Variants in MPP3 observed in about 807,000 individuals in gnomAD.
The protein encoded by MPP3 is MAGUK p55 subfamily member 3.
A neutral mutation model predicts 80.7 loss-of-function variants in MPP3; 48 were observed. The observed-to-expected ratio is 0.59, with a 90% CI of 0.47 to 0.76. The LOEUF is 0.76. Among genes scored for constraint, MPP3 ranks in the 30% least tolerant of loss-of-function variants. The pLI is 0.00. For missense variants in MPP3, 620 were observed against 763.0 expected (o/e 0.81, Z 2.21); for synonymous variants, 311 against 297.6 (o/e 1.04, Z -0.46).
intron 11 of MPP3, chr17:43,819,080 G>T (rs73320324): frequency 6.6e-6 from 1 of 152,116 alleles, no homozygotes; most frequent in Non-Finnish European, 1.5e-5. Flanking sequence ...TCTCAGAATC[G>T]CCTGGAACAT....
chr17:43,821,154 C>T, intron 10 of MPP3, 96 bp from the exon 11 acceptor site: 1 of 1,167,314 alleles, frequency 8.6e-7, no homozygotes, highest in East Asian at 2.5e-5. Flanking sequence ...ACCATCCACA[C>T]TTAGGAGGAC....
rs186135839 is a variant in MPP3, at chr17:43,818,743, G to A, written c.882-633C>T. 3.4e-4 allele frequency among the ~76,000 whole-genome samples: 52 copies of A among 152,186 alleles called. 1 individual carries two copies. In the Middle Eastern group the frequency reaches 0.01, roughly 30 times the overall value. On this transcript the variant is annotated intron_variant, in intron 11 of 19. Transcript: ENST00000398389. ...AGTTCGAGACCAGCCTGGCCAACAC[G>A]GTGAAACCCCGTCTCTACTAAAAAA...
chr17:43,813,892 C>A, intron 16 of MPP3, 119 bp downstream of exon 16: 1 of 838,478 alleles, frequency 1.2e-6, no homozygotes, highest in Non-Finnish European at 1.9e-6. Context: ...CAATAGCAGG[C>A]AGTGCCTGGT....
rs567237474 is a variant in MPP3 at position 43,814,565 on chromosome 17, G to A, written c.1010-204C>T. The stretch of plus-strand genomic sequence containing the variant: ...GTGACCCCTGCATTCACAAACTAGG[G>A]CTTAAGGTCACTGTTTTACTTGGCA... On this transcript the variant is annotated intron_variant, in intron 14 of 19. Coordinates refer to ENST00000398389, the MANE Select transcript of MPP3 (RefSeq NM_001932.6). The A allele has an allele frequency of 6.4e-5, 31 of 485,224 alleles. 1 individual carries two copies. In the South Asian group the frequency reaches 1.1e-3, roughly 18 times the overall value. The allele number at this position is 485,224 out of a possible 1,614,324, so 30.1% of individuals were successfully genotyped here.
At chr17:43,827,069 G>A (rs138495134) in intron 8 of MPP3, among the ~76,000 whole-genome samples, 3,272 of 151,922 alleles carry the variant, frequency 0.022, 106 homozygotes, top group African/African-American at 0.075. Context: ...AGGCGGGAGC[G>A]CAATGGCGCG....
chr17:43,827,268 G>A (rs1232156067), intron 8 of MPP3, among the ~76,000 whole-genome samples: 1 of 151,332 alleles, frequency 6.6e-6, no homozygotes, highest in East Asian at 1.9e-4. Flanking sequence ...CGCCCACCTC[G>A]GCCTCCCAAA....
intron 19 of MPP3, among the ~76,000 whole-genome samples, chr17:43,805,112 A>C (rs973995731): frequency 4.1e-4 from 63 of 152,256 alleles, no homozygotes; most frequent in African/African-American, 1.5e-3. Context: ...TAGATAAAGA[A>C]TTCTTACAAC....
Position 43,818,065 on chromosome 17 carries a change from C to T in MPP3, c.927G>A (p.Gln309=). 6.3e-7 allele frequency: 1 copy of T among 1,581,800 alleles called. No homozygotes were observed. The highest frequency in any genetic ancestry group is 8.6e-7 in the Non-Finnish European group (1 of 1,163,074). Residue 309 remains glutamine (Q), a synonymous_variant, in exon 12 of 20, where the codon CAG becomes CAA. Transcript: ENST00000398389. ...RRAAGTLPSP[Q]SLRKPPYDQP... is the part of the protein sequence containing the mutation. ...ACTCACAGGGGGGCTTCCTGAGGCT[C>T]TGGGGGCTCGGCAGGGTGCCCGCGG...
chr17:43,830,435 T>A (rs2045910771), intron 5 of MPP3, among the ~76,000 whole-genome samples: 1 of 152,176 alleles, frequency 6.6e-6, no homozygotes, highest in Admixed American at 6.5e-5. Flanking sequence ...TCAAAGAGAT[T>A]AAACATTTTG....
rs770143098 is a variant in MPP3 at position 43,829,738 on chromosome 17, G to A, written c.357C>T (p.Leu119=). 16 of 1,613,968 alleles carry A rather than the reference G, an allele frequency of 9.9e-6. No individual in the cohort carries two copies. The South Asian group carries it at 1.6e-4, about 17-fold the overall frequency. ...CATCGATATTGTCAGGCAGAGGCGG[G>A]AGAACGGGGTCAAAATTCTTCTGGG... The part of the protein sequence containing the change: ...TVAQKNFDPV[L]PPLPDNIDED... The change falls in exon 7 of 20, where the codon CTC becomes CTT. Residue 119 remains leucine, a synonymous_variant. Transcript: ENST00000398389.
At chr17:43,814,416 C>G in intron 14 of MPP3, 55 bp from the exon 15 acceptor site, 3 of 1,529,490 alleles carry the variant, frequency 2.0e-6, no homozygotes, top group Non-Finnish European at 2.6e-6. Context: ...GTCCCAGGAT[C>G]TCCCAGTAGA....
At chr17:43,810,968 T>C (rs993754098) in intron 17 of MPP3, 53 bp from the exon 18 acceptor site, 11 of 1,498,280 alleles carry the variant, frequency 7.3e-6, no homozygotes, top group African/African-American at 1.4e-5. Context: ...TTTCCTAAAT[T>C]AGCAAAGCAA....
Position 43,827,766 on chromosome 17 carries a change from C to A in MPP3, c.508G>T (p.Ala170Ser), listed in dbSNP as rs757014415. Reference sequence around the variant, plus strand: ...CGCCACTCACCGCTCCTGTCTGCTGCGCCTCCTCGCATGATCCTGGCCACC... The same window carrying A: ...CGCCACTCACCGCTCCTGTCTGCTGAGCCTCCTCGCATGATCCTGGCCACC... Reference protein sequence around the residue: ...VVVARIMRGGAADRSGLVHVG... With the variant: ...VVVARIMRGGSADRSGLVHVG... Residue 170 changes from alanine (A) to serine (S), a missense_variant, in exon 8 of 20, where the codon GCA (alanine) becomes TCA (serine). Ala to Ser is a moderately conservative substitution (Grantham distance 99). Transcript: ENST00000398389. The A allele has an allele frequency of 1.9e-6, 3 of 1,611,718 alleles. No homozygotes were observed. The African/African-American group carries it at 4.0e-5, about 22-fold the overall frequency.
chr17:43,818,646 C>T (rs1010540372), intron 11 of MPP3, among the ~76,000 whole-genome samples: 2 of 152,072 alleles, frequency 1.3e-5, no homozygotes, highest in Admixed American at 6.5e-5. Flanking sequence ...GCTGAAGGGC[C>T]GGGCGTGGTG....
rs2045982879 is a variant in MPP3, at chr17:43,831,902, G to A, written c.5C>T (p.Pro2Leu). ...CTTACCAGAGTCCTCCGATAGCACT[G>A]GCATGCTGGCGTTGTCACCTCCCGA... M[P>L]VLSEDSGLHE... Residue 2 changes from proline to leucine, a missense_variant, in exon 3 of 20, where the codon CCA (proline) becomes CTA (leucine). Pro to Leu is a moderately conservative substitution (Grantham distance 98, BLOSUM62 -3). Transcript: ENST00000398389. 2 of 1,612,654 alleles carry A rather than the reference G, an allele frequency of 1.2e-6. No individual in the cohort carries two copies. The highest frequency in any genetic ancestry group is 2.2e-5 in the South Asian group (2 of 90,930).
intron 11 of MPP3, 47 bp downstream of exon 11, chr17:43,820,815 C>T (rs1351481642): frequency 3.8e-6 from 6 of 1,579,034 alleles, no homozygotes; most frequent in Non-Finnish European, 5.2e-6. Context: ...TGTACCTGTG[C>T]CTCTGCCACT....
chr17:43,823,489 C>T (rs2045558240), intron 10 of MPP3, among the ~76,000 whole-genome samples: 1 of 152,190 alleles, frequency 6.6e-6, no homozygotes, highest in South Asian at 2.1e-4. Context: ...GAAAGACTTG[C>T]TGCCCTTCTG....
At chr17:43,806,101 AT>A (rs1379641579) in intron 19 of MPP3, among the ~76,000 whole-genome samples, 1 of 152,006 alleles carries the variant, frequency 6.6e-6, no homozygotes, top group Non-Finnish European at 1.5e-5. Flanking sequence ...ATTTTGATTT[AT>A]TTTTTCTTGT....
chr17:43,832,916 G>T, intron 1 of MPP3, 97 bp from the exon 2 acceptor site: 1 of 152,874 alleles, frequency 6.5e-6, no homozygotes, highest in South Asian at 1.8e-4. Context: ...GGGAGCGGGG[G>T]GCGCGCGGCG....
Sources: gnomAD v4.1 joint callset for allele counts (sites outside exome capture counted in the v4.1 genomes callset) on GRCh38, gnomAD v4.1.1 for gene constraint, MANE v1.5 for transcripts, NCBI Gene and HGNC (gene_info 2026-07-23, HGNC 2026-07-21) for gene names.